The following APC variants were observed in gnomAD, a reference collection of about 807,000 sequenced individuals.
APC encodes adenomatous polyposis coli protein.
Under a neutral mutation model 247.0 loss-of-function variants are expected in APC, and 72 were observed. The observed-to-expected ratio is 0.29, with a 90% CI of 0.24 to 0.35. The LOEUF (loss-of-function observed/expected upper bound fraction) is 0.35, where lower values mean the gene tolerates loss of function less well. Among genes scored for constraint, APC ranks in the 10% least tolerant of loss-of-function variants. APC has a pLI of 1.00. For synonymous variants in APC, 1,254 were observed against 1,162.5 expected (o/e 1.08, Z -1.60); for missense variants, 3,400 against 3,360.7 (o/e 1.01, Z -0.29).
chr5:112,747,241 A>AT (rs1554065837), intron 1 of APC, among the ~76,000 whole-genome samples: 1 of 151,924 alleles, frequency 6.6e-6, no homozygotes, highest in South Asian at 2.1e-4. Flanking sequence ...CTTTTTCTTG[A>AT]GGGGGGAAAA....
intron 4 of APC, among the ~76,000 whole-genome samples, chr5:112,773,650 G>A (rs1414803652): frequency 6.6e-6 from 1 of 152,032 alleles, no homozygotes; most frequent in Non-Finnish European, 1.5e-5. Context: ...GAAGTGGAAG[G>A]GAATTCTTGT....
chr5:112,732,431 C>T (rs923898315), intron 1 of APC, among the ~76,000 whole-genome samples: 2 of 152,164 alleles, frequency 1.3e-5, no homozygotes, highest in Non-Finnish European at 2.9e-5. Context: ...GTGGCTGCAT[C>T]ACAACATTTG....
intron 1 of APC, among the ~76,000 whole-genome samples, chr5:112,745,745 G>A (rs964946793): frequency 1.3e-5 from 2 of 151,152 alleles, no homozygotes; most frequent in Non-Finnish European, 1.5e-5. Context: ...TTTTTGTATT[G>A]TTAGTAGAGA....
At chr5:112,828,057 C>CCTCAAAGA in intron 13 of APC, 51 bp downstream of exon 13, 1 of 1,465,054 alleles carries the variant, frequency 6.8e-7, no homozygotes, top group Non-Finnish European at 9.5e-7. Flanking sequence ...TTCTTTGAGG[C>CCTCAAAGA]AGGGTCTCAC....
intron 1 of APC, among the ~76,000 whole-genome samples, chr5:112,748,290 A>G (rs1440223009): frequency 2.6e-5 from 4 of 152,174 alleles, no homozygotes; most frequent in Non-Finnish European, 4.4e-5. Context: ...GAAGAGAAAG[A>G]GAAATAGAAA....
At chr5:112,783,765 CA>C (rs77929348) in intron 6 of APC, 30,920 of 196,042 alleles carry the variant, frequency 0.16, 160 homozygotes, top group African/African-American at 0.23. Context: ...CCACTGCACT[CA>C]AAAAAAAAAA....
At chr5:112,836,915 G>C (rs555468072) in intron 15 of APC, among the ~76,000 whole-genome samples, 1 of 151,994 alleles carries the variant, frequency 6.6e-6, no homozygotes, top group Non-Finnish European at 1.5e-5. Context: ...TGGCCAGGCT[G>C]GTCTTGATCT....
rs1759145777 is a variant in APC at position 112,787,908 on chromosome 5, CTT to C, written c.646-4537_646-4536del. 2.6e-5 allele frequency among the ~76,000 whole-genome samples: 4 copies of C among 152,180 alleles called. No individual in the cohort carries two copies. In the South Asian group the frequency reaches 8.3e-4, roughly 32 times the overall value. Reference sequence around the variant, plus strand: ...GTATGTTGTGGAGGCAGGAATCTAACTTATATGTATATTACTTATATATGTGT... The same window carrying C: ...GTATGTTGTGGAGGCAGGAATCTAACATATGTATATTACTTATATATGTGT... On this transcript the variant is annotated intron_variant, in intron 6 of 15. Transcript: ENST00000257430.
chr5:112,828,012 A>C lies in APC; in HGVS notation c.1626+6A>C, dbSNP rs1197354854. The C allele has an allele frequency of 2.5e-6, 4 of 1,610,538 alleles. No homozygotes were observed. In the Admixed American group the frequency reaches 6.7e-5, roughly 27 times the overall value. On this transcript the variant is annotated splice_donor_region_variant and intron_variant, in intron 13 of 15. Coordinates refer to ENST00000257430, the MANE Select transcript of APC (RefSeq NM_000038.6). ...AAAGTGAAGACTTACAGCAGGTACTATTTAGAATTTCACCTGTTTTTCTTT... is the reference window on the plus strand; with the variant it reads ...AAAGTGAAGACTTACAGCAGGTACTCTTTAGAATTTCACCTGTTTTTCTTT...
Position 112,838,555 on chromosome 5 carries a change from T to C in APC, c.2961T>C (p.Ser987=), listed in dbSNP as rs2149881164. 3.7e-6 allele frequency: 6 copies of C among 1,614,206 alleles called. No homozygotes were observed. The highest frequency in any genetic ancestry group is 2.2e-5 in the East Asian group (1 of 44,876). ...TGAAACCCTCGATTGAATCCTATTCTGAAGATGATGAAAGTAAGTTTTGCA... is the reference window on the plus strand; with the variant it reads ...TGAAACCCTCGATTGAATCCTATTCCGAAGATGATGAAAGTAAGTTTTGCA... ...GQMKPSIESY[S]EDDESKFCSY... Residue 987 remains serine (S), a synonymous_variant, in exon 16 of 16, where the codon TCT becomes TCC. Transcript: ENST00000257430.
At chr5:112,807,504 G>A (rs891969609) in intron 8 of APC, among the ~76,000 whole-genome samples, 2 of 150,486 alleles carry the variant, frequency 1.3e-5, no homozygotes, top group Non-Finnish European at 3.0e-5. Context: ...TTATAGATAT[G>A]GAAGTTTTTA....
chr5:112,725,244 A>G (rs2149663193), intron 1 of APC, among the ~76,000 whole-genome samples: 1 of 152,228 alleles, frequency 6.6e-6, no homozygotes, highest in South Asian at 2.1e-4. Flanking sequence ...AAGTGCTAGG[A>G]TTACAGGCGT....
chr5:112,780,675 C>A, intron 5 of APC, 115 bp from the exon 6 acceptor site: 1 of 734,708 alleles, frequency 1.4e-6, no homozygotes, highest in Admixed American at 2.2e-5. Context: ...TCTCATGCAC[C>A]ATGACTGACG....
chr5:112,732,372 T>C (rs1752142699), intron 1 of APC, among the ~76,000 whole-genome samples: 1 of 152,076 alleles, frequency 6.6e-6, no homozygotes, highest in Non-Finnish European at 1.5e-5. Flanking sequence ...CTCCTCGGAG[T>C]ACTAAAGGGA....
chr5:112,720,886 A>G (rs895128172), intron 1 of APC, among the ~76,000 whole-genome samples: 2 of 152,224 alleles, frequency 1.3e-5, no homozygotes, highest in Non-Finnish European at 2.9e-5. Context: ...TTGTTCAGCT[A>G]GAGTTGAGAT....
chr5:112,844,207 A>G lies in APC; in HGVS notation c.*81A>G. Reference sequence around the variant, plus strand: ...ACATTTTGTTTCAAATGAAACTTTAAAAGACTGAAAAATTTTGTAAATAGG... The same window carrying G: ...ACATTTTGTTTCAAATGAAACTTTAGAAGACTGAAAAATTTTGTAAATAGG... On this transcript the variant is annotated 3_prime_UTR_variant, in exon 16 of 16. Transcript: ENST00000257430. 1 of 1,335,296 alleles carries G rather than the reference A, an allele frequency of 7.5e-7. No homozygotes were observed. The allele number at this position is 1,335,296 out of a possible 1,614,324, so 82.7% of individuals were successfully genotyped here.
In APC at chr5:112,845,109, C is replaced by T. The variant is rs765587539; in HGVS notation, c.*983C>T. On this transcript the variant is annotated 3_prime_UTR_variant, in exon 16 of 16. Transcript: ENST00000257430. ...CTTCTATGCATTAAGAGTAAAATTC[C>T]TCTTACTGTAATAAAAACAATTGAA... 1 of 232,078 alleles carries T rather than the reference C, an allele frequency of 4.3e-6. No homozygotes were observed. The highest frequency in any genetic ancestry group is 8.5e-6 in the Non-Finnish European group (1 of 117,196). The allele number at this position is 232,078 out of a possible 1,614,324, so 14.4% of individuals were successfully genotyped here.
chr5:112,806,575 T>G (rs1477937242), intron 8 of APC, among the ~76,000 whole-genome samples: 6 of 151,064 alleles, frequency 4.0e-5, no homozygotes, highest in African/African-American at 1.2e-4. Context: ...TTTATTTATT[T>G]ATTTATTTAT....
In APC at chr5:112,814,689, T is replaced by A. The variant is rs528111444; in HGVS notation, c.835-806T>A. Among the ~76,000 whole-genome samples the A allele has an allele frequency of 5.9e-5, 9 of 152,320 alleles. No homozygotes were observed. The South Asian group carries it at 1.7e-3, about 28-fold the overall frequency. On this transcript the variant is annotated intron_variant, in intron 8 of 15. Transcript: ENST00000257430. ...GCTGTTTTTAAGACGTAATTCTGATTGTACCATTCTCCTGCCTGAAGTCCA... is the reference window on the plus strand; with the variant it reads ...GCTGTTTTTAAGACGTAATTCTGATAGTACCATTCTCCTGCCTGAAGTCCA...
Sources: allele counts gnomAD v4.1 joint callset (sites outside exome capture counted in the v4.1 genomes callset), GRCh38; gene constraint gnomAD v4.1.1; transcripts MANE v1.5; gene names NCBI Gene and HGNC (gene_info 2026-07-23, HGNC 2026-07-21).